SPON1: variants seen among roughly 807,000 people sequenced by gnomAD.
The protein encoded by SPON1 is spondin-1.
In SPON1, 52 loss-of-function variants were observed where a neutral mutation model predicts 111.7. The observed-to-expected ratio is 0.47, with a 90% CI of 0.37 to 0.59. The LOEUF (loss-of-function observed/expected upper bound fraction) is 0.59, where lower values mean the gene tolerates loss of function less well. SPON1 is among the 20% of genes least tolerant of loss of function. The pLI is 0.00. For synonymous variants in SPON1, 410 were observed against 395.8 expected, an observed-to-expected ratio of 1.04 and a Z score of -0.43; for missense variants, 957 against 1,068.5, an observed-to-expected ratio of 0.90 and a Z score of 1.46.
chr11:14,054,612 C>T (rs537773181), intron 3 of SPON1, among the ~76,000 whole-genome samples: 2 of 151,582 alleles, frequency 1.3e-5, no homozygotes, highest in East Asian at 3.9e-4. Flanking sequence ...GTGGTAATTA[C>T]ACGCAGACTC....
chr11:14,241,005 T>C (rs1848919856), intron 6 of SPON1, among the ~76,000 whole-genome samples: 1 of 152,144 alleles, frequency 6.6e-6, no homozygotes, highest in African/African-American at 2.4e-5. Context: ...AGGAAATATT[T>C]TAAAGTCATG....
intron 2 of SPON1, among the ~76,000 whole-genome samples, chr11:14,026,104 A>G (rs1229474685): frequency 6.6e-6 from 1 of 152,208 alleles, no homozygotes; most frequent in African/African-American, 2.4e-5. Context: ...CACAGCTTCC[A>G]GCTCAATTGC....
chr11:14,113,173 A>G (rs1202223967), intron 5 of SPON1, among the ~76,000 whole-genome samples: 1 of 152,212 alleles, frequency 6.6e-6, no homozygotes, highest in Non-Finnish European at 1.5e-5. Context: ...TAAGAAACTC[A>G]AAAAAGCACT....
intron 6 of SPON1, among the ~76,000 whole-genome samples, chr11:14,200,154 C>G (rs782030600): frequency 3.3e-5 from 5 of 152,122 alleles, no homozygotes; most frequent in African/African-American, 4.8e-5. Context: ...TTATATGTCC[C>G]TCCCCTATAA....
Position 14,262,941 on chromosome 11 carries a change from G to A in SPON1, c.2226G>A (p.Gln742=), listed in dbSNP as rs531506418. ...CCCGAGAGAGCCGGCGGAGTGAGCA[G>A]CTGAAGGAAGAGTCTGAAGGGGAGC... ...REARESRRSE[Q]LKEESEGEQF... The change falls in exon 15 of 16, where the codon CAG becomes CAA. Residue 742 remains glutamine, a synonymous_variant. Transcript: ENST00000576479. 6.3e-5 allele frequency: 102 copies of A among 1,613,572 alleles called. 3 individuals carry two copies. In the South Asian group the frequency reaches 9.6e-4, roughly 15 times the overall value.
rs1564943853 is a variant in SPON1 at position 14,259,702 on chromosome 11, G to GT, written c.1831+2dup. On this transcript the variant is annotated splice_donor_variant, in intron 13 of 15. Transcript: ENST00000576479. LOFTEE classifies it high-confidence loss of function. This position sits in a 1 kb window ranked among gnomAD's most constrained non-coding sequence, Gnocchi z 5.0. ...GAGAAGTGCATGATGCCAGAGTGCC[G>GT]TGAGTGAGAGCGGGGGTGGACTTGG... is the stretch of plus-strand genomic sequence containing the variant. 6.4e-7 allele frequency: 1 copy of GT among 1,570,218 alleles called. No homozygotes were observed. The highest frequency in any genetic ancestry group is 1.4e-5 in the African/African-American group (1 of 74,052).
At chr11:14,167,415 G>A (rs1287802751) in intron 6 of SPON1, among the ~76,000 whole-genome samples, 1 of 152,026 alleles carries the variant, frequency 6.6e-6, no homozygotes, top group Non-Finnish European at 1.5e-5. Context: ...TACTCAGATA[G>A]GAAACTTAGC....
intron 6 of SPON1, among the ~76,000 whole-genome samples, chr11:14,189,513 T>G (rs1564927243): frequency 6.6e-6 from 1 of 152,104 alleles, no homozygotes; most frequent in Non-Finnish European, 1.5e-5. Flanking sequence ...GACACAGAGG[T>G]TCTCTCCAAG....
chr11:13,975,404 A>G (rs1262384167), intron 1 of SPON1, among the ~76,000 whole-genome samples: 1 of 152,232 alleles, frequency 6.6e-6, no homozygotes, highest in African/African-American at 2.4e-5. Flanking sequence ...TTGTTCATTC[A>G]TTCAACAAGT....
At chr11:14,064,769 G>A (rs1449497524) in intron 3 of SPON1, among the ~76,000 whole-genome samples, 1 of 152,080 alleles carries the variant, frequency 6.6e-6, no homozygotes, top group Non-Finnish European at 1.5e-5. Flanking sequence ...TAGGTAAATG[G>A]GATGGGTTGG....
intron 2 of SPON1, among the ~76,000 whole-genome samples, chr11:14,010,492 G>A (rs577578672): frequency 1.3e-5 from 2 of 152,240 alleles, no homozygotes; most frequent in African/African-American, 2.4e-5. Context: ...AGGACAGACT[G>A]GGGGTAAAAT....
intron 5 of SPON1, among the ~76,000 whole-genome samples, chr11:14,132,620 C>T (rs894023579): frequency 9.2e-5 from 14 of 152,300 alleles, no homozygotes; most frequent in African/African-American, 3.1e-4. Context: ...ATATCCAGTC[C>T]TCCTCAGTGT....
chr11:14,213,018 A>G (rs531476553), intron 6 of SPON1, among the ~76,000 whole-genome samples: 2 of 152,298 alleles, frequency 1.3e-5, no homozygotes, highest in East Asian at 3.9e-4. Context: ...AGAGCTTGGG[A>G]GAGACTCTTT....
intron 6 of SPON1, among the ~76,000 whole-genome samples, chr11:14,206,452 T>C (rs902056822): frequency 6.6e-6 from 1 of 152,140 alleles, no homozygotes; most frequent in Non-Finnish European, 1.5e-5. Context: ...CAGCCTCCCA[T>C]GGTTACCTTT....
intron 5 of SPON1, among the ~76,000 whole-genome samples, chr11:14,117,423 C>T (rs945189080): frequency 2.0e-5 from 3 of 151,976 alleles, no homozygotes; most frequent in African/African-American, 7.2e-5. Flanking sequence ...GATACTTTTT[C>T]TGTGTTCTAT....
chr11:14,254,708 C>G lies in SPON1; in HGVS notation c.1071C>G (p.Thr357=), dbSNP rs370990684. The G allele has an allele frequency of 6.2e-7, 1 of 1,613,832 alleles. No individual in the cohort carries two copies. The highest frequency in any genetic ancestry group is 1.1e-5 in the South Asian group (1 of 91,062). Residue 357 remains threonine (T), a synonymous_variant, in exon 8 of 16, where the codon ACC becomes ACG. Coordinates refer to ENST00000576479, the MANE Select transcript of SPON1 (RefSeq NM_006108.4). ...ACCTGATTCCCTGGGACGCTGGCACCGACAGCGGGGTGACCTATGAGGTGT... is the reference window on the plus strand; with the variant it reads ...ACCTGATTCCCTGGGACGCTGGCACGGACAGCGGGGTGACCTATGAGGTGT... The part of the protein sequence containing the change: ...VQDLIPWDAG[T]DSGVTYESPN...
rs1848761801 is a variant in SPON1, at chr11:14,058,147, A to G, written c.479+16493A>G. On this transcript the variant is annotated intron_variant, in intron 3 of 15. Transcript: ENST00000576479. ...CTTTTTTCTCTCAGAAGGTTGGGCC[A>G]AGATTTTGATGAGAAGACACTGGGT... 2.0e-5 allele frequency among the ~76,000 whole-genome samples: 3 copies of G among 152,102 alleles called. No individual in the cohort carries two copies. In the South Asian group the frequency reaches 6.2e-4, roughly 32 times the overall value.
intron 6 of SPON1, among the ~76,000 whole-genome samples, chr11:14,140,540 G>A (rs1228037769): frequency 9.2e-5 from 14 of 151,988 alleles, no homozygotes; most frequent in African/African-American, 2.9e-4. Context: ...GATTACAGGC[G>A]CCTGCCATCA....
intron 7 of SPON1, among the ~76,000 whole-genome samples, chr11:14,247,777 G>C (rs1425355794): frequency 1.3e-5 from 2 of 152,222 alleles, no homozygotes; most frequent in African/African-American, 4.8e-5. Context: ...CAGTGGGAAA[G>C]ATCATGGGAT....
Sources: allele counts gnomAD v4.1 joint callset (sites outside exome capture counted in the v4.1 genomes callset), GRCh38; gene constraint gnomAD v4.1.1; non-coding constraint Gnocchi (gnomAD v3.1); transcripts MANE v1.5; gene names NCBI Gene and HGNC (gene_info 2026-07-23, HGNC 2026-07-21).